Variants in ARMC9 observed in about 807,000 individuals in gnomAD.
ARMC9 encodes the protein armadillo repeat containing 9, also known as lisH domain-containing protein ARMC9.
ARMC9 carries 94 observed loss-of-function variants against 107.0 expected under a neutral mutation model. That is an observed-to-expected ratio of 0.88 (90% CI 0.74 to 1.04). The LOEUF (loss-of-function observed/expected upper bound fraction) is 1.04, where lower values mean the gene tolerates loss of function less well. Ranked by LOEUF, ARMC9 falls within the 50% of genes least tolerant of loss-of-function variation. ARMC9 has a pLI of 0.00. For synonymous variants in ARMC9, 380 were observed against 396.9 expected, an observed-to-expected ratio of 0.96 and a Z score of 0.51; for missense variants, 942 against 1,030.1, an observed-to-expected ratio of 0.91 and a Z score of 1.17.
At chr2:231,226,284 C>T (rs2034638131) in intron 6 of ARMC9, among the ~76,000 whole-genome samples, 1 of 152,186 alleles carries the variant, frequency 6.6e-6, no homozygotes, top group Non-Finnish European at 1.5e-5. Flanking sequence ...AGTCATGCAG[C>T]CAGACGTGTG....
intron 19 of ARMC9, among the ~76,000 whole-genome samples, chr2:231,328,989 TGTATTTTTTA>T (rs1023111190): frequency 1.3e-5 from 2 of 151,692 alleles, no homozygotes; most frequent in East Asian, 1.9e-4. Context: ...TACTTTTTTT[TGTATTTTTTA>T]GTAGAGACAG....
intron 11 of ARMC9, among the ~76,000 whole-genome samples, chr2:231,261,511 A>G (rs1299231830): frequency 6.6e-6 from 1 of 152,236 alleles, no homozygotes; most frequent in Non-Finnish European, 1.5e-5. Flanking sequence ...CAGGGCATGC[A>G]TTCAGAGTGC....
chr2:231,328,545 A>G (rs2043487928), intron 19 of ARMC9, among the ~76,000 whole-genome samples: 1 of 152,062 alleles, frequency 6.6e-6, no homozygotes, highest in Non-Finnish European at 1.5e-5. Flanking sequence ...TTTTTTTCCT[A>G]CAAATGTTCA....
chr2:231,214,376 T>C (rs991872466), intron 3 of ARMC9, among the ~76,000 whole-genome samples: 1 of 152,314 alleles, frequency 6.6e-6, no homozygotes, highest in East Asian at 1.9e-4. Context: ...GTGTGTGGGC[T>C]CCCAGCCACT....
At chr2:231,316,681 GAAAAA>G (rs965279625) in intron 19 of ARMC9, among the ~76,000 whole-genome samples, 1 of 148,392 alleles carries the variant, frequency 6.7e-6, no homozygotes, top group African/African-American at 2.5e-5. Context: ...AAAAAAGAAA[GAAAAA>G]AAAAGAATTC....
chr2:231,200,533 C>T (rs780716513), intron 1 of ARMC9, among the ~76,000 whole-genome samples: 8 of 152,100 alleles, frequency 5.3e-5, no homozygotes, highest in Non-Finnish European at 1.2e-4. Flanking sequence ...ATTAGCTGGG[C>T]GTTGGTGGCG....
chr2:231,286,131 T>C (rs923228503), intron 17 of ARMC9, among the ~76,000 whole-genome samples: 4 of 152,180 alleles, frequency 2.6e-5, no homozygotes, highest in Non-Finnish European at 5.9e-5. Context: ...TGTTTATTTT[T>C]TTGAGACAGC....
chr2:231,215,145 G>A (rs2033358961), intron 4 of ARMC9, 144 bp downstream of exon 4: 4 of 836,378 alleles, frequency 4.8e-6, no homozygotes, highest in Non-Finnish European at 7.1e-6. Flanking sequence ...CTCCTGGTGA[G>A]TGATTTTCTA....
chr2:231,294,865 G>C (rs2041252136), intron 18 of ARMC9: 1 of 152,234 alleles, frequency 6.6e-6, no homozygotes, highest in Non-Finnish European at 1.5e-5. Flanking sequence ...TAGCTTTCTA[G>C]ACTAAATGGC....
At chr2:231,314,603 G>C (rs2042558046) in intron 19 of ARMC9, among the ~76,000 whole-genome samples, 1 of 152,190 alleles carries the variant, frequency 6.6e-6, no homozygotes. Context: ...GGCATCCATG[G>C]CCTCTGCCCA....
chr2:231,341,636 TAGATGATA>T (rs1485565822), intron 20 of ARMC9, among the ~76,000 whole-genome samples: 27 of 101,808 alleles, frequency 2.7e-4, no homozygotes, highest in African/African-American at 1.7e-3. Flanking sequence ...GATAGATAGA[TAGATGATA>T]GATAGATAGA....
intron 11 of ARMC9, among the ~76,000 whole-genome samples, chr2:231,260,037 T>C (rs1358203113): frequency 6.6e-6 from 1 of 152,202 alleles, no homozygotes; most frequent in East Asian, 1.9e-4. Flanking sequence ...AAATATATGT[T>C]TATTAATTCA....
intron 3 of ARMC9, 93 bp downstream of exon 3, chr2:231,208,345 TTG>T: frequency 1.0e-6 from 1 of 986,818 alleles, no homozygotes; most frequent in Non-Finnish European, 1.6e-6. Context: ...AGAATAGTTT[TTG>T]AGCACTTGCT....
intron 19 of ARMC9, among the ~76,000 whole-genome samples, chr2:231,308,503 C>T (rs2042158065): frequency 6.6e-6 from 1 of 152,098 alleles, no homozygotes. Flanking sequence ...GGAGGCATGA[C>T]ATGAGTAACC....
intron 23 of ARMC9, among the ~76,000 whole-genome samples, chr2:231,369,264 TTCC>T (rs2045926955): frequency 6.6e-6 from 1 of 151,886 alleles, no homozygotes. Context: ...CATCGTCTCC[TTCC>T]TCCTGTGCTT....
At chr2:231,239,388 A>G (rs1352579865) in intron 8 of ARMC9, among the ~76,000 whole-genome samples, 1 of 152,184 alleles carries the variant, frequency 6.6e-6, no homozygotes, top group Non-Finnish European at 1.5e-5. Flanking sequence ...AGCACTGGAT[A>G]GTTGATTAAA....
intron 19 of ARMC9, among the ~76,000 whole-genome samples, chr2:231,302,437 G>GTTTTTTTTTTTTT (rs56032700): frequency 1.7e-5 from 1 of 58,070 alleles, no homozygotes; most frequent in Non-Finnish European, 3.3e-5. Flanking sequence ...TTGTGGGTTT[G>GTTTTTTTTTTTTT]TTTTTTTTTT....
intron 19 of ARMC9, among the ~76,000 whole-genome samples, chr2:231,326,728 C>T (rs2043344979): frequency 6.6e-6 from 1 of 152,184 alleles, no homozygotes; most frequent in Admixed American, 6.5e-5. Flanking sequence ...GAGGTTGAGC[C>T]TTCATATTCC....
chr2:231,212,564 C>T (rs992259513), intron 3 of ARMC9, among the ~76,000 whole-genome samples: 9 of 152,200 alleles, frequency 5.9e-5, no homozygotes, highest in African/African-American at 1.2e-4. Flanking sequence ...TCTTGGTCAC[C>T]GCACTTCTCA....
Sources: gnomAD v4.1 joint callset for allele counts (sites outside exome capture counted in the v4.1 genomes callset) on GRCh38, gnomAD v4.1.1 for gene constraint, MANE v1.5 for transcripts, NCBI Gene and HGNC (gene_info 2026-07-23, HGNC 2026-07-21) for gene names.